TNIK: variants seen among roughly 807,000 people sequenced by gnomAD.
TNIK encodes the protein TRAF2 and NCK interacting kinase.
TNIK carries 49 observed loss-of-function variants against 191.3 expected under a neutral mutation model. That is an observed-to-expected ratio of 0.26 (90% confidence interval 0.20 to 0.32). The LOEUF (loss-of-function observed/expected upper bound fraction) is 0.32. TNIK is among the 10% of genes least tolerant of loss of function. The pLI is 1.00. For synonymous variants in TNIK, 594 were observed against 600.9 expected, an observed-to-expected ratio of 0.99 and a Z score of 0.17; for missense variants, 1,155 against 1,702.3, an observed-to-expected ratio of 0.68 and a Z score of 5.66.
intron 11 of TNIK, among the ~76,000 whole-genome samples, chr3:171,157,865 G>A (rs371794679): frequency 7.9e-5 from 12 of 152,214 alleles, no homozygotes; most frequent in Middle Eastern, 3.4e-3. Context: ...CTTTCAGTAC[G>A]ACTGTGGCCA....
At chr3:171,454,554 G>C (rs1728579977) in intron 1 of TNIK, among the ~76,000 whole-genome samples, 1 of 152,072 alleles carries the variant, frequency 6.6e-6, no homozygotes, top group Admixed American at 6.5e-5. Flanking sequence ...AATGAATAAT[G>C]AAAATGATTA....
At chr3:171,240,761 C>T (rs1270065246) in intron 2 of TNIK, among the ~76,000 whole-genome samples, 1 of 152,180 alleles carries the variant, frequency 6.6e-6, no homozygotes, top group Non-Finnish European at 1.5e-5. Context: ...ACTTCAACTC[C>T]ACTTTAACTC....
At chr3:171,255,682 G>C (rs1276563139) in intron 2 of TNIK, among the ~76,000 whole-genome samples, 4 of 152,178 alleles carry the variant, frequency 2.6e-5, no homozygotes, top group Admixed American at 2.6e-4. Flanking sequence ...GGAATGTTTT[G>C]TGCCACAGGC....
At chr3:171,446,889 T>C (rs938588161) in intron 1 of TNIK, among the ~76,000 whole-genome samples, 4 of 152,172 alleles carry the variant, frequency 2.6e-5, no homozygotes, top group Admixed American at 2.0e-4. Flanking sequence ...CCAGAAAGAA[T>C]GACAGTTTAA....
chr3:171,300,919 G>C (rs773224755), intron 2 of TNIK, among the ~76,000 whole-genome samples: 1 of 152,048 alleles, frequency 6.6e-6, no homozygotes, highest in Non-Finnish European at 1.5e-5. Flanking sequence ...AAAGGCTCTG[G>C]TCTTCAGCAA....
At position 171,354,089 on chromosome 3, in the gene TNIK, T is replaced by C. The variant is rs146821206; in HGVS notation, c.123+15531A>G. On this transcript the variant is annotated intron_variant, in intron 2 of 32. Coordinates refer to ENST00000436636, the MANE Select transcript of TNIK (RefSeq NM_015028.4). ...AAAAATTTTCTTGAACTGATAACAA[T>C]TTAGAAACTCACTCCCAGTAAAGCA... Among the ~76,000 whole-genome samples, 134 of 152,182 alleles carry C rather than the reference T, an allele frequency of 8.8e-4. No individual in the cohort carries two copies. The East Asian group carries it at 0.024, about 27-fold the overall frequency.
chr3:171,181,807 C>T (rs1211002171), intron 7 of TNIK, among the ~76,000 whole-genome samples: 1 of 152,198 alleles, frequency 6.6e-6, no homozygotes, highest in African/African-American at 2.4e-5. Flanking sequence ...AACTGCCTAC[C>T]TCTAGATTTC....
chr3:171,192,225 C>T (rs1283839519), intron 5 of TNIK, among the ~76,000 whole-genome samples: 4 of 152,190 alleles, frequency 2.6e-5, no homozygotes, highest in Non-Finnish European at 4.4e-5. Context: ...GGGTAGGCAT[C>T]AGGGGTTTAA....
chr3:171,128,728 G>T lies in TNIK; in HGVS notation c.1759C>A (p.Pro587Thr). 1 of 1,612,686 alleles carries T rather than the reference G, an allele frequency of 6.2e-7. No homozygotes were observed. ...QPARTPPMLR[P>T]VDPQIPHLVA... ...GCAGACTGTACCTGGGGATCGACTG[G>T]TCTGAGCATGGGGGGTGTTCGAGCA... is the stretch of plus-strand genomic sequence containing the variant. Residue 587 changes from proline (P) to threonine (T), a missense_variant, in exon 16 of 33, where the codon CCA (proline) becomes ACA (threonine). Around this residue, in one of 3 missense-constraint regions of TNIK, gnomAD observed 735 missense variants for 848.0 expected, o/e 0.87. Coordinates refer to ENST00000436636, the MANE Select transcript of TNIK (RefSeq NM_015028.4).
intron 2 of TNIK, chr3:171,347,175 G>A: frequency 6.6e-7 from 1 of 1,518,172 alleles, no homozygotes; most frequent in Non-Finnish European, 8.8e-7. Flanking sequence ...CTCCTAGTTG[G>A]TTCTTGGAGT....
chr3:171,426,582 A>G (rs1015114800), intron 1 of TNIK, among the ~76,000 whole-genome samples: 1 of 152,104 alleles, frequency 6.6e-6, no homozygotes, highest in Non-Finnish European at 1.5e-5. Flanking sequence ...ATCATCTTGG[A>G]ATGTATACAA....
intron 1 of TNIK, among the ~76,000 whole-genome samples, chr3:171,456,930 C>T (rs1728858712): frequency 2.6e-5 from 4 of 152,208 alleles, no homozygotes; most frequent in Admixed American, 2.6e-4. Flanking sequence ...CCTCGCTGTC[C>T]CCTCCCCTTG....
intron 2 of TNIK, among the ~76,000 whole-genome samples, chr3:171,338,761 C>T (rs990649250): frequency 3.3e-5 from 5 of 151,938 alleles, no homozygotes; most frequent in African/African-American, 7.3e-5. Context: ...CCTTGGCCTC[C>T]CAAAGTGCCG....
intron 2 of TNIK, among the ~76,000 whole-genome samples, chr3:171,351,271 A>ATGTG (rs1335605618): frequency 2.0e-5 from 3 of 150,248 alleles, no homozygotes; most frequent in Non-Finnish European, 3.0e-5. Flanking sequence ...ATATGTATAT[A>ATGTG]TGTGTGTGTG....
At chr3:171,343,327 A>G (rs1421020770) in intron 2 of TNIK, among the ~76,000 whole-genome samples, 4 of 152,206 alleles carry the variant, frequency 2.6e-5, no homozygotes, top group South Asian at 2.1e-4. Flanking sequence ...AACTAGTGAA[A>G]TCCCAATAAA....
At chr3:171,113,862 G>A (rs562213863) in intron 18 of TNIK, among the ~76,000 whole-genome samples, 6 of 151,826 alleles carry the variant, frequency 4.0e-5, no homozygotes, top group African/African-American at 9.7e-5. Flanking sequence ...CTTTGCCTGC[G>A]TTGAGCACAG....
At chr3:171,294,956 C>T (rs1037029705) in intron 2 of TNIK, among the ~76,000 whole-genome samples, 6 of 151,314 alleles carry the variant, frequency 4.0e-5, no homozygotes, top group African/African-American at 1.2e-4. Context: ...AAAGTCTCTG[C>T]CATCTTCAAC....
At chr3:171,119,913 G>C (rs189206572) in intron 18 of TNIK, among the ~76,000 whole-genome samples, 1 of 152,084 alleles carries the variant, frequency 6.6e-6, no homozygotes, top group Non-Finnish European at 1.5e-5. Flanking sequence ...AAACCTGCAC[G>C]TTGTGCACAT....
At chr3:171,307,757 GGGACCTCTGA>G (rs1294234785) in intron 2 of TNIK, among the ~76,000 whole-genome samples, 5 of 152,064 alleles carry the variant, frequency 3.3e-5, no homozygotes, top group Non-Finnish European at 7.4e-5. Flanking sequence ...AAGTGGTTTG[GGGACCTCTGA>G]GGATCTCTGA....
Sources: gnomAD v4.1 joint callset for allele counts (sites outside exome capture counted in the v4.1 genomes callset) on GRCh38, gnomAD v4.1.1 for gene constraint, gnomAD v4.1.1 regional missense constraint, MANE v1.5 for transcripts, NCBI Gene and HGNC (gene_info 2026-07-23, HGNC 2026-07-21) for gene names.